Variants in GALNT17 observed in about 807,000 individuals in gnomAD.
The protein encoded by GALNT17 is UDP-GalNAc:polypeptide N-acetylgalactosaminyltransferase-like 3.
GALNT17 carries 29 observed loss-of-function variants against 63.7 expected under a neutral mutation model. The observed-to-expected ratio is 0.46, with a 90% CI of 0.34 to 0.62. The LOEUF (loss-of-function observed/expected upper bound fraction) is 0.62. Among genes scored for constraint, GALNT17 ranks in the 20% least tolerant of loss-of-function variants. The pLI, the probability that GALNT17 is intolerant of heterozygous loss-of-function variation, is 0.01. For synonymous variants in GALNT17, 305 were observed against 318.3 expected, an observed-to-expected ratio of 0.96 and a Z score of 0.45; for missense variants, 603 against 799.6, an observed-to-expected ratio of 0.75 and a Z score of 2.97.
At chr7:71,455,381 C>G (rs1787335616) in intron 5 of GALNT17, among the ~76,000 whole-genome samples, 1 of 152,018 alleles carries the variant, frequency 6.6e-6, no homozygotes, top group South Asian at 2.1e-4. Flanking sequence ...GCTGGAAACT[C>G]AGTTTGAAGG....
intron 5 of GALNT17, among the ~76,000 whole-genome samples, chr7:71,553,823 A>G (rs908126893): frequency 6.6e-6 from 1 of 152,172 alleles, no homozygotes; most frequent in Non-Finnish European, 1.5e-5. Flanking sequence ...CCATTAAATC[A>G]AGATTTTGAC....
At chr7:71,452,279 C>T (rs569649729) in intron 5 of GALNT17, among the ~76,000 whole-genome samples, 15 of 151,446 alleles carry the variant, frequency 9.9e-5, no homozygotes, top group African/African-American at 3.4e-4. Context: ...GGTGTGGTGG[C>T]TTACGCCTGT....
At chr7:71,477,614 A>G (rs1210354675) in intron 5 of GALNT17, among the ~76,000 whole-genome samples, 1 of 152,192 alleles carries the variant, frequency 6.6e-6, no homozygotes, top group African/African-American at 2.4e-5. Flanking sequence ...GCTGGAGCCC[A>G]GACGTTCGAG....
chr7:71,521,539 C>G (rs999573400), intron 5 of GALNT17, among the ~76,000 whole-genome samples: 5 of 152,332 alleles, frequency 3.3e-5, no homozygotes, highest in South Asian at 2.1e-4. Flanking sequence ...AATGTGGCAG[C>G]CTTTCTGCCT....
At chr7:71,339,769 G>A (rs913448838) in intron 2 of GALNT17, among the ~76,000 whole-genome samples, 3 of 152,026 alleles carry the variant, frequency 2.0e-5, no homozygotes, top group African/African-American at 4.8e-5. Flanking sequence ...GAGCACACTT[G>A]GTTGGGTATG....
intron 1 of GALNT17, among the ~76,000 whole-genome samples, chr7:71,248,385 C>T (rs184752332): frequency 7.9e-5 from 12 of 152,144 alleles, no homozygotes; most frequent in South Asian, 6.3e-4. Context: ...TTGGTCTTGC[C>T]GTCTCAGGGG....
chr7:71,200,426 G>A (rs949642088), intron 1 of GALNT17, among the ~76,000 whole-genome samples: 33 of 152,136 alleles, frequency 2.2e-4, no homozygotes, highest in African/African-American at 7.7e-4. Flanking sequence ...ACTACTAGGT[G>A]CAGTAATAAT....
At chr7:71,647,046 C>T (rs1274539173) in intron 6 of GALNT17, among the ~76,000 whole-genome samples, 1 of 149,496 alleles carries the variant, frequency 6.7e-6, no homozygotes, top group Non-Finnish European at 1.5e-5. Context: ...GCCCCTGGCC[C>T]AATTTTGCTA....
intron 5 of GALNT17, among the ~76,000 whole-genome samples, chr7:71,535,412 C>G (rs984610121): frequency 6.6e-6 from 1 of 152,182 alleles, no homozygotes; most frequent in Non-Finnish European, 1.5e-5. Flanking sequence ...TTTGCTGTCT[C>G]TTTGTTCCAT....
chr7:71,500,304 C>T (rs1034600756), intron 5 of GALNT17, among the ~76,000 whole-genome samples: 1 of 152,196 alleles, frequency 6.6e-6, no homozygotes, highest in Non-Finnish European at 1.5e-5. Context: ...GCTCCAAAAA[C>T]AGCAGGCACT....
intron 5 of GALNT17, among the ~76,000 whole-genome samples, chr7:71,478,566 T>A (rs1320671213): frequency 6.6e-6 from 1 of 152,150 alleles, no homozygotes; most frequent in African/African-American, 2.4e-5. Context: ...TCCTCCCACC[T>A]CAACCTCCCA....
intron 6 of GALNT17, among the ~76,000 whole-genome samples, chr7:71,586,277 T>C (rs974810994): frequency 6.6e-6 from 1 of 152,304 alleles, no homozygotes; most frequent in African/African-American, 2.4e-5. Flanking sequence ...CATCTTATAG[T>C]CTCTATTGTA....
chr7:71,448,716 G>T (rs1191453545), intron 5 of GALNT17, among the ~76,000 whole-genome samples: 34 of 152,086 alleles, frequency 2.2e-4, no homozygotes, highest in Admixed American at 2.2e-3. Flanking sequence ...TTGAATCAGA[G>T]AATACAGGCG....
At chr7:71,608,084 T>A (rs1790072432) in intron 6 of GALNT17, among the ~76,000 whole-genome samples, 1 of 152,182 alleles carries the variant, frequency 6.6e-6, no homozygotes, top group African/African-American at 2.4e-5. Context: ...CCATATTCTG[T>A]TTTCCCCAGG....
rs1232969408 is a variant in GALNT17 at position 71,184,938 on chromosome 7, CACTTCCTTCCTT to C, written c.238+51899_238+51910del. 7.9e-3 allele frequency among the ~76,000 whole-genome samples: 602 copies of C among 76,556 alleles called. 17 individuals carry two copies. Among genetic ancestry groups the C allele is most frequent in the African/African-American group, 0.023 (368 of 16,088 alleles). The allele number at this position is 76,556 out of a possible 152,430, so 50.2% of individuals were successfully genotyped here. A position where few individuals can be genotyped will look rare whatever the true frequency, so the allele number is the denominator to read the frequency against. On this transcript the variant is annotated intron_variant, in intron 1 of 10. Coordinates refer to ENST00000333538, the MANE Select transcript of GALNT17 (RefSeq NM_022479.3). ...ACCCACCCTCCCTCCCTCCCTTCCTCACTTCCTTCCTTCCTTCCTTCCTTCCTTCCTTCCTTC... is the reference window on the plus strand; with the variant it reads ...ACCCACCCTCCCTCCCTCCCTTCCTCCCTTCCTTCCTTCCTTCCTTCCTTC...
chr7:71,601,190 G>A (rs1789962513), intron 6 of GALNT17, among the ~76,000 whole-genome samples: 1 of 151,870 alleles, frequency 6.6e-6, no homozygotes, highest in Admixed American at 6.6e-5. Context: ...GTTGATTGAT[G>A]AGCATTTGAT....
At chr7:71,682,401 A>C (rs931234499) in intron 9 of GALNT17, among the ~76,000 whole-genome samples, 1 of 152,060 alleles carries the variant, frequency 6.6e-6, no homozygotes, top group Admixed American at 6.6e-5. Context: ...ACTGCTGTGA[A>C]CTTGACCTTC....
At chr7:71,661,619 G>T (rs1790908509) in intron 6 of GALNT17, among the ~76,000 whole-genome samples, 1 of 152,206 alleles carries the variant, frequency 6.6e-6, no homozygotes, top group Admixed American at 6.5e-5. Context: ...TGACCACAGT[G>T]CATGCCCAGT....
chr7:71,361,767 T>G (rs749906625), intron 2 of GALNT17, among the ~76,000 whole-genome samples: 2 of 152,030 alleles, frequency 1.3e-5, no homozygotes, highest in East Asian at 3.9e-4. Flanking sequence ...TAGCATTGCA[T>G]CTTGACTGCA....
Sources: gnomAD v4.1 joint callset for allele counts (sites outside exome capture counted in the v4.1 genomes callset) on GRCh38, gnomAD v4.1.1 for gene constraint, MANE v1.5 for transcripts, NCBI Gene and HGNC (gene_info 2026-07-23, HGNC 2026-07-21) for gene names.